Variants in ANO1 observed in about 807,000 individuals in gnomAD.
ANO1 encodes the protein anoctamin-1.
ANO1 carries 59 observed loss-of-function variants against 124.0 expected under a neutral mutation model. That is an observed-to-expected ratio of 0.48 (90% CI 0.39 to 0.59). The LOEUF (loss-of-function observed/expected upper bound fraction) is 0.59. ANO1 is among the 20% of genes least tolerant of loss of function. The probability of loss-of-function intolerance (pLI) is 0.00; values close to 1 mark genes in which losing one functional copy is unlikely to be tolerated. For synonymous variants in ANO1, 529 were observed against 532.0 expected, an observed-to-expected ratio of 0.99 and a Z score of 0.08; for missense variants, 1,059 against 1,328.0, an observed-to-expected ratio of 0.80 and a Z score of 3.15.
At position 70,007,511 on chromosome 11, in the gene ANO1, C is replaced by T. The variant is rs1031606571; in HGVS notation, c.58+21345C>T. 5.4e-4 allele frequency among the ~76,000 whole-genome samples: 82 copies of T among 152,202 alleles called. 2 individuals carry two copies. The highest frequency in any genetic ancestry group is 2.5e-3 in the Admixed American group (38 of 15,296). On this transcript the variant is annotated intron_variant, in intron 1 of 27. Transcript: ENST00000531349. ...CAGGATGGTCTCGATCTCCTGACCT[C>T]GTGATCCGCCGGCCCATCTTGGCCT...
intron 1 of ANO1, among the ~76,000 whole-genome samples, chr11:70,026,427 T>C (rs1555003238): frequency 6.6e-6 from 1 of 151,190 alleles, no homozygotes; most frequent in East Asian, 1.9e-4. Flanking sequence ...ACAGTAATAA[T>C]GATGATGGTG....
chr11:70,177,796 G>A (rs1338339586), intron 22 of ANO1, among the ~76,000 whole-genome samples: 8 of 151,916 alleles, frequency 5.3e-5, no homozygotes, highest in Admixed American at 3.9e-4. Flanking sequence ...GCGGGGCTTC[G>A]CCATGTTGGC....
rs181370739 is a variant in ANO1 at position 70,139,468 on chromosome 11, C to T, written c.1258+7389C>T. 6.4e-3 allele frequency among the ~76,000 whole-genome samples: 967 copies of T among 152,244 alleles called. 6 individuals carry two copies. The highest frequency in any genetic ancestry group is 0.022 in the African/African-American group (916 of 41,546). ...CCTCCCGAGTAGCTGGGATTATAGCCGCCCGCCACCACGCCCAGCTAATTT... is the reference window on the plus strand; with the variant it reads ...CCTCCCGAGTAGCTGGGATTATAGCTGCCCGCCACCACGCCCAGCTAATTT... On this transcript the variant is annotated intron_variant, in intron 11 of 25. Transcript: ENST00000355303.
intron 22 of ANO1, among the ~76,000 whole-genome samples, chr11:70,171,641 G>A (rs2048477182): frequency 6.6e-6 from 1 of 152,206 alleles, no homozygotes; most frequent in Admixed American, 6.5e-5. Flanking sequence ...AGGGGTGTGA[G>A]TTTGGGAGAA....
the ANO1 span, among the ~76,000 whole-genome samples, chr11:69,977,955 G>A: frequency 0.019 from 2,887 of 152,322 alleles, 188 homozygotes; most frequent in East Asian, 0.23. Flanking sequence ...GCATACTGTG[G>A]CTGAGAGGGG....
At chr11:70,026,266 G>GATGATA (rs369996985) in intron 1 of ANO1, among the ~76,000 whole-genome samples, 1 of 149,990 alleles carries the variant, frequency 6.7e-6, no homozygotes, top group Non-Finnish European at 1.5e-5. Flanking sequence ...TGATGATGAT[G>GATGATA]GAGGTGGTGA....
At chr11:69,982,029 A>AG (rs1180750779), upstream of ANO1, among the ~76,000 whole-genome samples, 1 of 151,994 alleles carries the variant, frequency 6.6e-6, no homozygotes, top group East Asian at 1.9e-4. Context: ...GGACTGGGGG[A>AG]GGGGGGAGAT....
chr11:70,007,337 C>T (rs1308380890), intron 1 of ANO1, among the ~76,000 whole-genome samples: 2 of 145,714 alleles, frequency 1.4e-5, no homozygotes, highest in Admixed American at 7.1e-5. Context: ...AGTGCAGTGG[C>T]GCGATCTCAG....
At chr11:70,087,729 G>C (rs745522571) in intron 1 of ANO1, 23 bp from the exon 2 acceptor site, 2 of 1,558,832 alleles carry the variant, frequency 1.3e-6, no homozygotes, top group Admixed American at 1.8e-5. Context: ...ATGGTGAATG[G>C]GTGTCTTTTC....
At chr11:70,040,030 T>A (rs538502066) in intron 1 of ANO1, among the ~76,000 whole-genome samples, 1 of 152,292 alleles carries the variant, frequency 6.6e-6, no homozygotes, top group African/African-American at 2.4e-5. Flanking sequence ...ACCAAATTAA[T>A]GTCGATCCTG....
chr11:70,092,255 G>A (rs1216734713), intron 2 of ANO1, among the ~76,000 whole-genome samples: 1 of 148,760 alleles, frequency 6.7e-6, no homozygotes, highest in Non-Finnish European at 1.5e-5. Flanking sequence ...ATCTTAACTC[G>A]GTTACATCTG....
chr11:69,986,576 C>T lies in ANO1; in HGVS notation c.58+410C>T, dbSNP rs1252690617. Among the ~76,000 whole-genome samples, 13 of 152,260 alleles carry T rather than the reference C, an allele frequency of 8.5e-5. No individual in the cohort carries two copies. The East Asian group carries it at 1.9e-3, about 23-fold the overall frequency. On this transcript the variant is annotated intron_variant, in intron 1 of 27. Transcript: ENST00000531349. ...TGTTTTTACAGGCGCTATTAATACA[C>T]ATAATATTTCCGTGCTATTCTGGAG...
At chr11:70,091,262 C>T (rs537334664) in intron 2 of ANO1, among the ~76,000 whole-genome samples, 1 of 152,230 alleles carries the variant, frequency 6.6e-6, no homozygotes, top group South Asian at 2.1e-4. Context: ...AGATCACCTC[C>T]AAGAGAGTCC....
chr11:69,982,621 A>G (rs142616675), upstream of ANO1, among the ~76,000 whole-genome samples: 52 of 152,310 alleles, frequency 3.4e-4, no homozygotes, highest in East Asian at 8.1e-3. Context: ...GCCAAGACCC[A>G]TTTTACAGAT....
intron 22 of ANO1, among the ~76,000 whole-genome samples, chr11:70,177,605 T>TC (rs1413407781): frequency 1.5e-5 from 2 of 132,452 alleles, no homozygotes; most frequent in Non-Finnish European, 3.3e-5. Flanking sequence ...TTTTTTTTTT[T>TC]TTTTTTTTTT....
intron 11 of ANO1, among the ~76,000 whole-genome samples, chr11:70,140,412 T>G (rs12417669): frequency 0.19 from 29,092 of 151,744 alleles, 3,420 homozygotes; most frequent in Middle Eastern, 0.34. Flanking sequence ...GTACCTGTAA[T>G]CCCAGCTACT....
intron 1 of ANO1, among the ~76,000 whole-genome samples, chr11:69,991,339 A>G (rs1413206274): frequency 1.3e-5 from 2 of 152,206 alleles, no homozygotes; most frequent in Admixed American, 6.5e-5. Flanking sequence ...AACTTGGGGT[A>G]GGTTTGGGAT....
chr11:70,085,331 T>G, intron 1 of ANO1: 12 of 1,001,716 alleles, frequency 1.2e-5, no homozygotes, highest in African/African-American at 1.7e-5. Context: ...CCCTGAGCCC[T>G]CCCAAGCCAC....
intron 10 of ANO1, among the ~76,000 whole-genome samples, chr11:70,126,504 C>T (rs1454006536): frequency 6.6e-6 from 1 of 152,200 alleles, no homozygotes; most frequent in Non-Finnish European, 1.5e-5. Flanking sequence ...CACTGTTGGT[C>T]ATTAGTGACA....
Sources: gnomAD v4.1 joint callset for allele counts (sites outside exome capture counted in the v4.1 genomes callset) on GRCh38, gnomAD v4.1.1 for gene constraint, MANE v1.5 for transcripts, NCBI Gene and HGNC (gene_info 2026-07-23, HGNC 2026-07-21) for gene names.